Variants in PDE1A observed in about 807,000 individuals in gnomAD.
PDE1A encodes the protein phosphodiesterase 1A.
Under a neutral mutation model 61.7 loss-of-function variants are expected in PDE1A, and 35 were observed. That is an observed-to-expected ratio of 0.57 (90% CI 0.43 to 0.75). PDE1A has a LOEUF of 0.75. Among genes scored for constraint, PDE1A ranks in the 30% least tolerant of loss-of-function variants. The probability of loss-of-function intolerance (pLI) is 0.00; values close to 1 mark genes in which losing one functional copy is unlikely to be tolerated. For missense variants in PDE1A, 597 were observed against 630.6 expected (o/e 0.95, Z 0.57); for synonymous variants, 232 against 213.2 (o/e 1.09, Z -0.77).
the PDE1A span, among the ~76,000 whole-genome samples, chr2:182,530,773 T>C: frequency 0.012 from 1,831 of 152,030 alleles, 38 homozygotes; most frequent in African/African-American, 0.042. Context: ...AAACAATAGC[T>C]AAAGGAAATT....
chr2:182,367,475 A>G (rs1699900778), intron 1 of PDE1A, among the ~76,000 whole-genome samples: 2 of 152,192 alleles, frequency 1.3e-5, no homozygotes, highest in Middle Eastern at 3.4e-3. Flanking sequence ...ATTAGAAAAA[A>G]AAACACTCTA....
At position 182,290,890 on chromosome 2, in the gene PDE1A, A is replaced by G. The variant is rs566013666; in HGVS notation, c.54-26476T>C. Among the ~76,000 whole-genome samples the G allele has an allele frequency of 2.0e-4, 31 of 151,844 alleles. No individual in the cohort carries two copies. The South Asian group carries it at 6.5e-3, about 32-fold the overall frequency. On this transcript the variant is annotated intron_variant, in intron 1 of 13. Coordinates refer to ENST00000351439, the Ensembl canonical transcript of PDE1A. ...GCTGGAGCTCATGAACTTTCCCCCAAATCTGCTCTTACCCACCTACACTGA... is the reference window on the plus strand; with the variant it reads ...GCTGGAGCTCATGAACTTTCCCCCAGATCTGCTCTTACCCACCTACACTGA...
rs1343138333 is a variant in PDE1A, at chr2:182,186,094, C to A, written c.1329-15G>T. ...TGGTGGTTGAGCTAACAGTAACAAC[C>A]AAAGAAACCAAAAAACACCATCAGG... On this transcript the variant is annotated splice_polypyrimidine_tract_variant and intron_variant, in intron 12 of 13. Coordinates refer to ENST00000351439, the Ensembl canonical transcript of PDE1A. 3.1e-6 allele frequency: 5 copies of A among 1,607,680 alleles called. No individual in the cohort carries two copies. Among genetic ancestry groups the A allele is most frequent in the Admixed American group, 3.4e-5 (2 of 58,922 alleles).
the PDE1A span, among the ~76,000 whole-genome samples, chr2:182,688,164 G>C: frequency 2.6e-5 from 4 of 152,088 alleles, no homozygotes; most frequent in East Asian, 7.7e-4. Flanking sequence ...TTCAAATTCA[G>C]GAAATACAGA....
intron 2 of PDE1A, among the ~76,000 whole-genome samples, chr2:182,465,678 C>T (rs913118460): frequency 2.6e-5 from 4 of 152,022 alleles, no homozygotes; most frequent in Admixed American, 6.6e-5. Context: ...CCAGTAGACA[C>T]AAATATTTAC....
chr2:182,226,461 T>C (rs1689151192), intron 6 of PDE1A, among the ~76,000 whole-genome samples: 1 of 149,890 alleles, frequency 6.7e-6, no homozygotes, highest in African/African-American at 2.5e-5. Flanking sequence ...GAGGAAACAC[T>C]GAACTTTCAC....
At chr2:182,301,680 A>T (rs1007103324) in intron 1 of PDE1A, among the ~76,000 whole-genome samples, 2 of 152,260 alleles carry the variant, frequency 1.3e-5, no homozygotes, top group African/African-American at 4.8e-5. Context: ...ATGAGAAAGA[A>T]GTATTGATGC....
chr2:182,344,000 A>T (rs833165), intron 1 of PDE1A, among the ~76,000 whole-genome samples: 100,558 of 151,760 alleles, frequency 0.66, 34,793 homozygotes, highest in African/African-American at 0.88. Context: ...CTTCCCAAGT[A>T]ACTGGGACTA....
At chr2:182,603,525 T>A in the PDE1A span, among the ~76,000 whole-genome samples, 3 of 152,106 alleles carry the variant, frequency 2.0e-5, no homozygotes, top group African/African-American at 7.2e-5. Context: ...ATTTTGGTAT[T>A]TTTTAGTAGA....
At chr2:182,332,189 T>C (rs894438435) in intron 1 of PDE1A, among the ~76,000 whole-genome samples, 7 of 152,242 alleles carry the variant, frequency 4.6e-5, no homozygotes, top group South Asian at 2.1e-4. Context: ...TGCTGCATTT[T>C]TCAGCTCCAT....
rs1251313197 is a variant in PDE1A at position 182,522,276 on chromosome 2, A to G, written c.101T>C (p.Ile34Thr). The G allele has an allele frequency of 1.9e-6, 3 of 1,612,072 alleles. No homozygotes were observed. The South Asian group carries it at 3.3e-5, about 18-fold the overall frequency. ...AATAAAAAGCAAAGAGCATACTCAC[A>G]TTCCTTTCAGGCGCTGCCACATTTT... is the stretch of plus-strand genomic sequence containing the variant. Residue 34 changes from isoleucine (I) to threonine (T), a missense_variant and splice_region_variant, in exon 2 of 15, where the codon ATA becomes ACA. Coordinates refer to the PDE1A transcript ENST00000410103.
At chr2:182,695,666 CA>C in the PDE1A span, among the ~76,000 whole-genome samples, 11 of 32,894 alleles carry the variant, frequency 3.3e-4, no homozygotes, top group South Asian at 1.3e-3. Flanking sequence ...GGCCCTCTCT[CA>C]AAAAAAAAAA....
chr2:182,267,209 G>A (rs191132630), intron 1 of PDE1A, among the ~76,000 whole-genome samples: 280 of 152,120 alleles, frequency 1.8e-3, no homozygotes, highest in South Asian at 0.012. Flanking sequence ...TCTAATGCTT[G>A]CACAATGAAC....
intron 10 of PDE1A, among the ~76,000 whole-genome samples, chr2:182,195,748 A>G (rs1379266633): frequency 6.6e-6 from 1 of 152,104 alleles, no homozygotes; most frequent in Non-Finnish European, 1.5e-5. Context: ...TGAAAAACCC[A>G]GTCACCTTGG....
At chr2:182,323,254 G>A (rs1377599496) in intron 1 of PDE1A, among the ~76,000 whole-genome samples, 1 of 152,010 alleles carries the variant, frequency 6.6e-6, no homozygotes, top group East Asian at 1.9e-4. Context: ...TAATAATTGT[G>A]GCTTATTGTC....
chr2:182,408,843 G>A (rs1002355628), intron 1 of PDE1A, among the ~76,000 whole-genome samples: 4 of 152,106 alleles, frequency 2.6e-5, no homozygotes, highest in East Asian at 1.9e-4. Context: ...CACAAAATTC[G>A]GGAACTGCAA....
At chr2:182,268,330 T>G (rs141981565) in intron 1 of PDE1A, among the ~76,000 whole-genome samples, 30 of 152,238 alleles carry the variant, frequency 2.0e-4, no homozygotes, top group African/African-American at 6.5e-4. Context: ...TTATTGGGTA[T>G]CTATTACTGC....
intron 1 of PDE1A, among the ~76,000 whole-genome samples, chr2:182,371,494 G>A (rs1448203034): frequency 6.6e-6 from 1 of 152,150 alleles, no homozygotes; most frequent in Non-Finnish European, 1.5e-5. Flanking sequence ...CCCAATAAAA[G>A]TACAAGCAGA....
intron 2 of PDE1A, among the ~76,000 whole-genome samples, chr2:182,460,925 C>T (rs893368172): frequency 1.4e-4 from 22 of 152,120 alleles, no homozygotes; most frequent in Non-Finnish European, 2.9e-4. Flanking sequence ...CACTCTCCTC[C>T]ACTTGGTATT....
Sources: gnomAD v4.1 joint callset for allele counts (sites outside exome capture counted in the v4.1 genomes callset) on GRCh38, gnomAD v4.1.1 for gene constraint, MANE v1.5 for transcripts, NCBI Gene and HGNC (gene_info 2026-07-23, HGNC 2026-07-21) for gene names.